Variants in FGF12 observed in about 807,000 individuals in gnomAD.
FGF12 encodes fibroblast growth factor 12B.
FGF12 carries 14 observed loss-of-function variants against 23.6 expected under a neutral mutation model. That is an observed-to-expected ratio of 0.59 (90% confidence interval 0.39 to 0.93). The LOEUF (loss-of-function observed/expected upper bound fraction) is 0.93. Ranked by LOEUF, FGF12 falls within the 40% of genes least tolerant of loss-of-function variation. The probability of loss-of-function intolerance (pLI) is 0.00; values close to 1 mark genes in which losing one functional copy is unlikely to be tolerated. For missense variants in FGF12, 175 were observed against 217.8 expected (o/e 0.80, Z 1.24); for synonymous variants, 62 against 77.3 (o/e 0.80, Z 1.04).
intron 2 of FGF12, among the ~76,000 whole-genome samples, chr3:192,558,991 A>T (rs1211637153): frequency 6.6e-6 from 1 of 151,988 alleles, no homozygotes; most frequent in Non-Finnish European, 1.5e-5. Context: ...CTGAAACTAT[A>T]GAACTCTTAT....
chr3:192,300,791 C>T (rs9834644), intron 4 of FGF12, among the ~76,000 whole-genome samples: 3,219 of 152,004 alleles, frequency 0.021, 106 homozygotes, highest in African/African-American at 0.073. Flanking sequence ...CCAAGGGGGG[C>T]TGAGCACTTG....
intron 4 of FGF12, among the ~76,000 whole-genome samples, chr3:192,330,723 CAACA>C (rs140219000): frequency 0.055 from 8,402 of 151,620 alleles, 765 homozygotes; most frequent in African/African-American, 0.19. Context: ...AACAAAACAA[CAACA>C]AACAAACAAA....
chr3:192,252,198 C>G (rs1160319116), intron 4 of FGF12, among the ~76,000 whole-genome samples: 4 of 151,770 alleles, frequency 2.6e-5, no homozygotes, highest in Non-Finnish European at 5.9e-5. Flanking sequence ...TGGTGGCTCA[C>G]GCCTGTAATC....
In FGF12 at chr3:192,158,433, TC is replaced by T. The variant is rs1421282829; in HGVS notation, c.427+12024del. ...TTTCTTTCTCTTTCTTTTTCTTTTT[TC>T]TTTCTTTCTTTCTTCTTTTTTCTTG... On this transcript the variant is annotated intron_variant, in intron 5 of 5. Coordinates refer to ENST00000445105, the MANE Select transcript of FGF12 (RefSeq NM_004113.6). Among the ~76,000 whole-genome samples the T allele has an allele frequency of 1.2e-4, 16 of 133,928 alleles. 1 individual carries two copies. Among genetic ancestry groups the T allele is most frequent in the African/African-American group, 2.2e-4 (8 of 36,946 alleles). The allele number at this position is 133,928 out of a possible 152,430, so 87.9% of individuals were successfully genotyped here.
chr3:192,219,700 T>G (rs564925841), intron 4 of FGF12, among the ~76,000 whole-genome samples: 1 of 152,298 alleles, frequency 6.6e-6, no homozygotes, highest in East Asian at 1.9e-4. Flanking sequence ...AATTCTGGGG[T>G]GAGACTCAGG....
intron 5 of FGF12, among the ~76,000 whole-genome samples, chr3:192,145,122 G>A (rs1377557948): frequency 1.3e-5 from 2 of 149,176 alleles, no homozygotes; most frequent in South Asian, 2.2e-4. Flanking sequence ...CATGCTACCC[G>A]GATCCACACC....
At chr3:192,475,937 T>TGATA (rs111672806) in intron 2 of FGF12, among the ~76,000 whole-genome samples, 8,627 of 151,958 alleles carry the variant, frequency 0.057, 796 homozygotes, top group African/African-American at 0.19. Flanking sequence ...TATAGATAGA[T>TGATA]GATAGATAGA....
chr3:192,488,247 A>G (rs1245670132), intron 2 of FGF12, among the ~76,000 whole-genome samples: 1 of 152,168 alleles, frequency 6.6e-6, no homozygotes, highest in Non-Finnish European at 1.5e-5. Context: ...AAACATACCA[A>G]TAGATACAAT....
intron 4 of FGF12, among the ~76,000 whole-genome samples, chr3:192,200,517 C>T (rs1431574839): frequency 1.3e-5 from 2 of 152,118 alleles, no homozygotes; most frequent in Non-Finnish European, 2.9e-5. Context: ...GAAACTTTCA[C>T]GTAGGAAGCC....
intron 2 of FGF12, chr3:192,726,794 A>T (rs1719230138): frequency 4.3e-6 from 1 of 233,724 alleles, no homozygotes; most frequent in Non-Finnish European, 8.4e-6. Flanking sequence ...ATTGGATATC[A>T]GGTACAAACG....
At chr3:192,294,269 C>G (rs746937979) in intron 4 of FGF12, among the ~76,000 whole-genome samples, 3 of 152,034 alleles carry the variant, frequency 2.0e-5, no homozygotes, top group Non-Finnish European at 2.9e-5. Flanking sequence ...GTGAAACAGA[C>G]TAATTCTCAG....
chr3:192,465,780 G>T (rs1210439111), intron 2 of FGF12, among the ~76,000 whole-genome samples: 1 of 152,140 alleles, frequency 6.6e-6, no homozygotes, highest in African/African-American at 2.4e-5. Flanking sequence ...AAGAAACATT[G>T]TATACATGTT....
chr3:192,624,180 G>A (rs35781608), intron 2 of FGF12, among the ~76,000 whole-genome samples: 5 of 151,638 alleles, frequency 3.3e-5, no homozygotes, highest in East Asian at 3.9e-4. Flanking sequence ...TAGCAAATGC[G>A]GAACAATCTC....
chr3:192,716,622 C>T (rs1458647896), intron 2 of FGF12, among the ~76,000 whole-genome samples: 1 of 152,160 alleles, frequency 6.6e-6, no homozygotes, highest in Non-Finnish European at 1.5e-5. Context: ...AATCCAGCCC[C>T]ATACAGAAGC....
At chr3:192,177,237 A>G (rs1039812997) in intron 4 of FGF12, among the ~76,000 whole-genome samples, 6 of 152,238 alleles carry the variant, frequency 3.9e-5, no homozygotes, top group Non-Finnish European at 7.3e-5. Context: ...TACGTTTACT[A>G]TACAGACTAG....
At chr3:192,229,255 A>G (rs1718898877) in intron 4 of FGF12, among the ~76,000 whole-genome samples, 1 of 152,032 alleles carries the variant, frequency 6.6e-6, no homozygotes, top group Non-Finnish European at 1.5e-5. Context: ...ATGTCTTTCC[A>G]TTTTACCAAG....
chr3:192,685,443 A>G (rs1424681704), intron 2 of FGF12, among the ~76,000 whole-genome samples: 1 of 152,242 alleles, frequency 6.6e-6, no homozygotes, highest in East Asian at 1.9e-4. Flanking sequence ...TTGAGTGCTC[A>G]CAACCAAATA....
intron 5 of FGF12, among the ~76,000 whole-genome samples, chr3:192,162,443 A>T (rs574056624): frequency 2.0e-5 from 3 of 152,262 alleles, no homozygotes; most frequent in South Asian, 4.1e-4. Context: ...AGAGAGAAAG[A>T]GGAAGAATGT....
chr3:192,234,435 G>A (rs1217429852), intron 4 of FGF12, among the ~76,000 whole-genome samples: 1 of 152,156 alleles, frequency 6.6e-6, no homozygotes, highest in Non-Finnish European at 1.5e-5. Flanking sequence ...TGAGCTTTTG[G>A]ATGGAGACTA....
Sources: allele counts gnomAD v4.1 joint callset (sites outside exome capture counted in the v4.1 genomes callset), GRCh38; gene constraint gnomAD v4.1.1; transcripts MANE v1.5; gene names NCBI Gene and HGNC (gene_info 2026-07-23, HGNC 2026-07-21).